Variants in ERBB2 observed in about 807,000 individuals in gnomAD.
ERBB2 encodes erb-b2 receptor tyrosine kinase 2.
ERBB2 carries 61 observed loss-of-function variants against 149.0 expected under a neutral mutation model. The ratio of observed to expected loss-of-function variants is 0.41; its 90% CI spans 0.33 to 0.51. ERBB2 has a LOEUF of 0.51. Among genes scored for constraint, ERBB2 ranks in the 20% least tolerant of loss-of-function variants. The pLI is 0.25. For missense variants in ERBB2, 1,205 were observed against 1,655.1 expected (o/e 0.73, Z 4.72); for synonymous variants, 633 against 678.8 (o/e 0.93, Z 1.05).
intron 9 of ERBB2, among the ~76,000 whole-genome samples, chr17:39,714,772 CTTT>C (rs1305856787): frequency 7.3e-5 from 10 of 136,194 alleles, no homozygotes; most frequent in East Asian, 2.1e-4. Flanking sequence ...GATTTCTTTT[CTTT>C]TTTTTTTTTT....
At chr17:39,688,136 T>G in exon 1 of ERBB2, 2 of 988,896 alleles carry the variant, frequency 2.0e-6, no homozygotes, top group African/African-American at 1.7e-5. Flanking sequence ...CAGTTTAAAT[T>G]AAAGTTCCCG....
At chr17:39,711,107 C>T (rs2058772726) in intron 7 of ERBB2, among the ~76,000 whole-genome samples, 1 of 152,004 alleles carries the variant, frequency 6.6e-6, no homozygotes, top group South Asian at 2.1e-4. Flanking sequence ...ACCACGTTGG[C>T]CAGACTGGTC....
At chr17:39,706,196 C>T (rs866550136) in intron 1 of ERBB2, among the ~76,000 whole-genome samples, 1 of 152,206 alleles carries the variant, frequency 6.6e-6, no homozygotes, top group Non-Finnish European at 1.5e-5. Context: ...GTATGCAGGG[C>T]TGACGTAGTG....
intron 2 of ERBB2, among the ~76,000 whole-genome samples, chr17:39,689,057 A>G (rs934962964): frequency 6.6e-6 from 1 of 152,254 alleles, no homozygotes; most frequent in African/African-American, 2.4e-5. Flanking sequence ...GTAGCTAAGG[A>G]TCACCCTTTC....
Position 39,723,647 on chromosome 17 carries a change from GCA to G in ERBB2, c.2198_2199del (p.Thr733SerfsTer9). The G allele has an allele frequency of 2.5e-6, 4 of 1,603,802 alleles. No homozygotes were observed. The highest frequency in any genetic ancestry group is 3.4e-6 in the Non-Finnish European group (4 of 1,175,202). On this transcript the variant is annotated frameshift_variant, in exon 18 of 27. Transcript: ENST00000269571. LOFTEE classifies it high-confidence loss of function. The surrounding 1 kb of genome is among the most constrained non-coding windows in gnomAD (Gnocchi z 6.2). ...AAGGTGCTTGGATCTGGCGCTTTTGGCACAGTCTACAAGGTCAGGGCCAGGTC... is the reference window on the plus strand; with the variant it reads ...AAGGTGCTTGGATCTGGCGCTTTTGGCAGTCTACAAGGTCAGGGCCAGGTC...
chr17:39,719,846 C>A lies in ERBB2; in HGVS notation c.1946+12C>A. 6.2e-7 allele frequency: 1 copy of A among 1,613,650 alleles called. No individual in the cohort carries two copies. Among genetic ancestry groups the A allele is most frequent in the South Asian group, 1.1e-5 (1 of 91,084 alleles). On this transcript the variant is annotated intron_variant, in intron 16 of 26. Transcript: ENST00000269571. ...GAGCAGAGAGCCAGGTTGGCCTGGACCCCAGGATGTACCCTTCATTGCCCT... is the reference window on the plus strand; with the variant it reads ...GAGCAGAGAGCCAGGTTGGCCTGGAACCCAGGATGTACCCTTCATTGCCCT...
chr17:39,703,966 C>G (rs541585836), intron 1 of ERBB2, among the ~76,000 whole-genome samples: 2 of 152,304 alleles, frequency 1.3e-5, no homozygotes, highest in South Asian at 4.2e-4. Flanking sequence ...AGGAGAGAAC[C>G]CACCTGAGAG....
chr17:39,714,850 A>C lies in ERBB2; in HGVS notation c.1149-436A>C, dbSNP rs551352449. 4.1e-5 allele frequency among the ~76,000 whole-genome samples: 6 copies of C among 147,132 alleles called. No homozygotes were observed. In the East Asian group the frequency reaches 1.2e-3, roughly 30 times the overall value. On this transcript the variant is annotated intron_variant, in intron 9 of 26. Transcript: ENST00000269571. ...AGTAGTGTGATCTCGGCTCACTGCA[A>C]CCTCTGCCTCCCGGGTTCAAGTGAT...
chr17:39,694,251 A>ATG (rs1567888019), upstream of ERBB2, among the ~76,000 whole-genome samples: 2 of 30,070 alleles, frequency 6.7e-5, no homozygotes, highest in Non-Finnish European at 1.7e-4. Flanking sequence ...ATATATATAT[A>ATG]TATATATATA....
At chr17:39,689,797 C>T (rs759220507) in intron 2 of ERBB2, among the ~76,000 whole-genome samples, 1 of 151,320 alleles carries the variant, frequency 6.6e-6, no homozygotes, top group Admixed American at 6.6e-5. Flanking sequence ...CCCAGCTACT[C>T]AGGAGGCTGA....
intron 6 of ERBB2, 24 bp from the exon 7 acceptor site, chr17:39,710,316 A>G (rs1371000302): frequency 1.2e-6 from 2 of 1,613,982 alleles, no homozygotes; most frequent in Admixed American, 3.3e-5. Context: ...CAGCACAGTG[A>G]AAGCCAGCCA....
intron 1 of ERBB2, chr17:39,703,318 C>T (rs1234882259): frequency 6.6e-6 from 1 of 152,232 alleles, no homozygotes; most frequent in Non-Finnish European, 1.5e-5. Context: ...ATGGAATGAT[C>T]TGGAAAGAGA....
At chr17:39,704,499 G>A (rs866834972) in intron 1 of ERBB2, among the ~76,000 whole-genome samples, 1 of 152,166 alleles carries the variant, frequency 6.6e-6, no homozygotes, top group African/African-American at 2.4e-5. Context: ...CTTGAACCCG[G>A]GAGGCAGAGG....
intron 1 of ERBB2, among the ~76,000 whole-genome samples, chr17:39,701,432 T>A (rs1388621463): frequency 6.6e-6 from 1 of 152,072 alleles, no homozygotes; most frequent in Non-Finnish European, 1.5e-5. Context: ...GCTATATGGA[T>A]GAGTGCACCT....
intron 2 of ERBB2, 50 bp from the exon 3 acceptor site, chr17:39,708,270 TG>T (rs757588109): frequency 3.3e-6 from 5 of 1,503,392 alleles, no homozygotes; most frequent in Non-Finnish European, 3.7e-6. Flanking sequence ...AGGGAGGCCC[TG>T]GGGGGTGGCA....
At chr17:39,697,560 T>G (rs2057896337), upstream of ERBB2, among the ~76,000 whole-genome samples, 2 of 151,984 alleles carry the variant, frequency 1.3e-5, no homozygotes, top group African/African-American at 4.8e-5. Flanking sequence ...TTCTCCATGT[T>G]GGTCAGGCTG....
intron 14 of ERBB2, 29 bp from the exon 15 acceptor site, chr17:39,717,291 C>T (rs2145704329): frequency 1.9e-6 from 3 of 1,566,268 alleles, no homozygotes; most frequent in Non-Finnish European, 2.6e-6. Context: ...CAGTGCCAGC[C>T]CCCCACAAAT....
rs1263209138 is a variant in ERBB2, at chr17:39,715,923, G to T, written c.1497G>T (p.Arg499=). Residue 499 remains arginine (R), a synonymous_variant, in exon 12 of 27, where the codon CGG becomes CGT. Coordinates refer to ENST00000269571, the MANE Select transcript of ERBB2 (RefSeq NM_004448.4). ...AAGCTCTGCTCCACACTGCCAACCG[G>T]CCAGAGGACGAGTGTGGTAAGACAG... ...PHQALLHTAN[R]PEDECVGEGL... 1.9e-6 allele frequency: 3 copies of T among 1,610,032 alleles called. No homozygotes were observed. The highest frequency in any genetic ancestry group is 2.5e-6 in the Non-Finnish European group (3 of 1,179,970).
intron 8 of ERBB2, 23 bp from the exon 9 acceptor site, chr17:39,712,299 C>A (rs2058854094): frequency 6.2e-7 from 1 of 1,608,838 alleles, no homozygotes; most frequent in Non-Finnish European, 8.5e-7. Context: ...CGGCCCCTTC[C>A]CCACCCACCC....
Sources: allele counts gnomAD v4.1 joint callset (sites outside exome capture counted in the v4.1 genomes callset), GRCh38; gene constraint gnomAD v4.1.1; non-coding constraint Gnocchi (gnomAD v3.1); transcripts MANE v1.5; gene names NCBI Gene and HGNC (gene_info 2026-07-23, HGNC 2026-07-21).